PRICKLE2: variants seen among roughly 807,000 people sequenced by gnomAD.
PRICKLE2 encodes the protein prickle planar cell polarity protein 2.
Under a neutral mutation model 81.4 loss-of-function variants are expected in PRICKLE2, and 21 were observed. That is an observed-to-expected ratio of 0.26 (90% CI 0.18 to 0.37). The LOEUF (loss-of-function observed/expected upper bound fraction) is 0.37. PRICKLE2 is among the 10% of genes least tolerant of loss of function. The pLI, the probability that PRICKLE2 is intolerant of heterozygous loss-of-function variation, is 1.00. For synonymous variants in PRICKLE2, 456 were observed against 421.5 expected, an observed-to-expected ratio of 1.08 and a Z score of -1.00; for missense variants, 940 against 1,109.0, an observed-to-expected ratio of 0.85 and a Z score of 2.16.
chr3:64,136,171 T>C (rs1055129463), intron 7 of PRICKLE2, among the ~76,000 whole-genome samples: 3 of 152,070 alleles, frequency 2.0e-5, no homozygotes, highest in African/African-American at 7.2e-5. Context: ...TGAGAGGAGA[T>C]ATAATCCACT....
chr3:64,208,131 A>T (rs1441454640), intron 1 of PRICKLE2, among the ~76,000 whole-genome samples: 2 of 152,174 alleles, frequency 1.3e-5, no homozygotes, highest in Non-Finnish European at 2.9e-5. Flanking sequence ...GGGTAAAGAG[A>T]GCTTTTTCTA....
At chr3:64,227,422 G>A (rs1474099297), upstream of PRICKLE2, among the ~76,000 whole-genome samples, 1 of 152,154 alleles carries the variant, frequency 6.6e-6, no homozygotes, top group Admixed American at 6.5e-5. Context: ...TCTTAAAAAT[G>A]GGTACACTAC....
chr3:64,174,494 G>A (rs1405947576), intron 2 of PRICKLE2: 2 of 152,382 alleles, frequency 1.3e-5, no homozygotes, highest in Non-Finnish European at 2.9e-5. Flanking sequence ...GTGGCTTCTG[G>A]GGAAAACATG....
intron 1 of PRICKLE2, among the ~76,000 whole-genome samples, chr3:64,205,356 A>G (rs138743001): frequency 1.6e-4 from 25 of 152,312 alleles, no homozygotes; most frequent in African/African-American, 5.5e-4. Flanking sequence ...CAGTATTGTC[A>G]GGCGGAGACC....
chr3:64,175,836 T>A (rs934988934), intron 2 of PRICKLE2, among the ~76,000 whole-genome samples: 8 of 152,218 alleles, frequency 5.3e-5, no homozygotes, highest in Non-Finnish European at 8.8e-5. Context: ...AATTGTCAGA[T>A]TAGTTTTATT....
chr3:64,163,174 C>A lies in PRICKLE2; in HGVS notation c.145-45G>T. The A allele has an allele frequency of 2.6e-6, 3 of 1,149,478 alleles. No individual in the cohort carries two copies. In the African/African-American group the frequency reaches 4.5e-5, roughly 17 times the overall value. 71.2% of individuals were successfully genotyped at this position (1,149,478 alleles called of 1,614,324 possible). A position where few individuals can be genotyped will look rare whatever the true frequency, so the allele number is the denominator to read the frequency against. Reference sequence around the variant, plus strand: ...TAGATGACTTGCCCATTACTCAAACCATGTGCCTATTCCCACTTACTGGGA... The same window carrying A: ...TAGATGACTTGCCCATTACTCAAACAATGTGCCTATTCCCACTTACTGGGA... On this transcript the variant is annotated intron_variant, in intron 2 of 7. Coordinates refer to ENST00000638394, the MANE Select transcript of PRICKLE2 (RefSeq NM_198859.4).
chr3:64,125,770 T>C (rs137989601), intron 7 of PRICKLE2, among the ~76,000 whole-genome samples: 110 of 152,374 alleles, frequency 7.2e-4, no homozygotes, highest in Middle Eastern at 6.8e-3. Flanking sequence ...TTTATTGTGA[T>C]ATCTGCTCTA....
At chr3:64,233,463 G>T (rs2079134986) in intron 2 of PRICKLE2, among the ~76,000 whole-genome samples, 1 of 152,104 alleles carries the variant, frequency 6.6e-6, no homozygotes, top group South Asian at 2.1e-4. Flanking sequence ...ATGAACACTG[G>T]CCCTCAAACA....
chr3:64,100,083 T>C, intron 7 of PRICKLE2, 158 bp from the exon 8 acceptor site: 1 of 708,400 alleles, frequency 1.4e-6, no homozygotes, highest in Non-Finnish European at 2.4e-6. Flanking sequence ...TGTGAGGGGG[T>C]TCTCTCCACT....
At chr3:64,170,658 G>T (rs539982676) in intron 2 of PRICKLE2, among the ~76,000 whole-genome samples, 1 of 149,678 alleles carries the variant, frequency 6.7e-6, no homozygotes, top group South Asian at 2.1e-4. Flanking sequence ...CCAGGAGTTC[G>T]AGACTGGCCT....
At chr3:64,175,447 T>C (rs1156461457) in intron 2 of PRICKLE2, among the ~76,000 whole-genome samples, 1 of 152,222 alleles carries the variant, frequency 6.6e-6, no homozygotes, top group African/African-American at 2.4e-5. Context: ...AACACTCTTC[T>C]TTCTTGGCCT....
rs1053264930 is a variant in PRICKLE2 at position 64,096,479 on chromosome 3, A to G, written c.*2572T>C. The G allele has an allele frequency of 3.9e-5, 6 of 152,248 alleles. No homozygotes were observed. The highest frequency in any genetic ancestry group is 1.4e-4 in the African/African-American group (6 of 41,466). The allele number at this position is 152,248 out of a possible 1,614,324, so 9.4% of individuals were successfully genotyped here. The stretch of plus-strand genomic sequence containing the variant: ...AGGGCATTCGCTTGGGGGTTCTGCC[A>G]TCATTGTAAGGAATTGGCCTTCCTC... On this transcript the variant is annotated 3_prime_UTR_variant, in exon 8 of 8. Coordinates refer to ENST00000638394, the MANE Select transcript of PRICKLE2 (RefSeq NM_198859.4).
Position 64,147,622 on chromosome 3 carries a change from T to G in PRICKLE2, c.868A>C (p.Lys290Gln). The change falls in exon 7 of 8, where the codon AAA becomes CAA. Residue 290 changes from lysine to glutamine, a missense_variant. Physicochemically the swap from Lys to Gln is moderately conservative, Grantham distance 53. Transcript: ENST00000638394. The surrounding 1 kb of genome is among the most constrained non-coding windows in gnomAD (Gnocchi z 5.0). ...AGGAATGGCCGCCCCAGGAGGGATT[T>G]CTTGCAGTGAGCACAGCAGAAACAG... ...ETCFCCAHCK[K>Q]SLLGRPFLPK... is the part of the protein sequence containing the mutation. 6.2e-7 allele frequency: 1 copy of G among 1,614,158 alleles called. No individual in the cohort carries two copies. Among genetic ancestry groups the G allele is most frequent in the Non-Finnish European group, 8.5e-7 (1 of 1,180,036 alleles).
chr3:64,123,427 T>G (rs2106971500), intron 7 of PRICKLE2, among the ~76,000 whole-genome samples: 1 of 152,360 alleles, frequency 6.6e-6, no homozygotes, highest in Non-Finnish European at 1.5e-5. Flanking sequence ...TTTCAAGTTT[T>G]GGATTTTTAG....
intron 3 of PRICKLE2, among the ~76,000 whole-genome samples, chr3:64,161,129 T>G (rs1411124791): frequency 6.7e-6 from 1 of 148,938 alleles, no homozygotes; most frequent in Admixed American, 6.8e-5. Context: ...TAGAGAGATA[T>G]GAGACACCTG....
intron 1 of PRICKLE2, among the ~76,000 whole-genome samples, chr3:64,201,403 T>G (rs1168374734): frequency 5.3e-5 from 8 of 152,216 alleles, no homozygotes; most frequent in Admixed American, 5.2e-4. Context: ...CTTGTCACAT[T>G]TGTTATTGTC....
chr3:64,113,498 G>C (rs1185066364), intron 7 of PRICKLE2, among the ~76,000 whole-genome samples: 1 of 152,138 alleles, frequency 6.6e-6, no homozygotes, highest in Non-Finnish European at 1.5e-5. Flanking sequence ...GTCCAGTGAG[G>C]TGTGGCCTAT....
At chr3:64,165,814 T>C (rs2077819359) in intron 2 of PRICKLE2, among the ~76,000 whole-genome samples, 1 of 152,168 alleles carries the variant, frequency 6.6e-6, no homozygotes, top group Non-Finnish European at 1.5e-5. Flanking sequence ...AGGCCCACTT[T>C]TGAATGGGCA....
Position 64,209,861 on chromosome 3 carries a change from G to A in PRICKLE2, c.-40-10894C>T, listed in dbSNP as rs186034373. Reference sequence around the variant, plus strand: ...GGGAAATCAGAAAGAGAGGAACTGAGGATGGGTGAGGACGGGCCTCCCACT... The same window carrying A: ...GGGAAATCAGAAAGAGAGGAACTGAAGATGGGTGAGGACGGGCCTCCCACT... On this transcript the variant is annotated intron_variant, in intron 1 of 7. Coordinates refer to ENST00000638394, the MANE Select transcript of PRICKLE2 (RefSeq NM_198859.4). 3.9e-5 allele frequency among the ~76,000 whole-genome samples: 6 copies of A among 152,372 alleles called. No individual in the cohort carries two copies. The East Asian group carries it at 1.2e-3, about 29-fold the overall frequency.
Sources: gnomAD v4.1 joint callset for allele counts (sites outside exome capture counted in the v4.1 genomes callset) on GRCh38, gnomAD v4.1.1 for gene constraint, Gnocchi (gnomAD v3.1) non-coding constraint, MANE v1.5 for transcripts, NCBI Gene and HGNC (gene_info 2026-07-23, HGNC 2026-07-21) for gene names.